The following SGO1 variants were observed in gnomAD, a reference collection of about 807,000 sequenced individuals.
SGO1 encodes the protein shugoshin 1.
SGO1 carries 39 observed loss-of-function variants against 50.5 expected under a neutral mutation model. The ratio of observed to expected loss-of-function variants is 0.77; its 90% CI spans 0.60 to 1.01. The LOEUF (loss-of-function observed/expected upper bound fraction) is 1.01. Ranked by LOEUF, SGO1 falls within the 50% of genes least tolerant of loss-of-function variation. The pLI is 0.00. For synonymous variants in SGO1, 191 were observed against 205.1 expected, an observed-to-expected ratio of 0.93 and a Z score of 0.59; for missense variants, 638 against 606.0, an observed-to-expected ratio of 1.05 and a Z score of -0.55.
chr3:20,173,925 CTTCAGT>C (rs1451647575), intron 6 of SGO1, among the ~76,000 whole-genome samples: 1 of 152,132 alleles, frequency 6.6e-6, no homozygotes, highest in Non-Finnish European at 1.5e-5. Context: ...CAAGGGGATA[CTTCAGT>C]TAAGTGTATA....
downstream of SGO1, among the ~76,000 whole-genome samples, chr3:20,164,621 C>A (rs1700201029): frequency 6.6e-6 from 1 of 151,856 alleles, no homozygotes; most frequent in African/African-American, 2.4e-5. Context: ...AATAGAAAGA[C>A]AGAAGTAAAT....
chr3:20,168,814 T>C (rs2125248517), downstream of SGO1: 2 of 353,514 alleles, frequency 5.7e-6, no homozygotes, highest in South Asian at 2.3e-4. Context: ...CTATTTTTAG[T>C]AGAGACGGGG....
Position 20,174,481 on chromosome 3 carries a change from T to C in SGO1, c.1050A>G (p.Gln350=), listed in dbSNP as rs1233859434. The change falls in exon 6 of 8, where the codon CAA becomes CAG. Residue 350 remains glutamine, a synonymous_variant. Coordinates refer to ENST00000412997, the MANE Select transcript of SGO1 (RefSeq NM_001199251.3). ...CTCTATTAGAGTCATTGCTCACTTT[T>C]TGTCGGAAAGGAGTAAGATGAACAC... is the stretch of plus-strand genomic sequence containing the variant. The part of the protein sequence containing the change: ...EEGVHLTPFR[Q]KVSNDSNREE... 6.2e-7 allele frequency: 1 copy of C among 1,614,164 alleles called. No individual in the cohort carries two copies.
chr3:20,165,903 A>G (rs1700274951), downstream of SGO1, among the ~76,000 whole-genome samples: 1 of 151,976 alleles, frequency 6.6e-6, no homozygotes, highest in African/African-American at 2.4e-5. Flanking sequence ...AATACAAAAA[A>G]TAGCTGGGCA....
At chr3:20,165,208 C>T (rs550488503), downstream of SGO1, among the ~76,000 whole-genome samples, 2 of 152,262 alleles carry the variant, frequency 1.3e-5, no homozygotes, top group African/African-American at 4.8e-5. Flanking sequence ...AGAAAGGAAG[C>T]AAGAGAGAAG....
rs763866105 is a variant in SGO1 at position 20,174,252 on chromosome 3, T to C, written c.1279A>G (p.Thr427Ala). 3 of 1,610,634 alleles carry C rather than the reference T, an allele frequency of 1.9e-6. No homozygotes were observed. The highest frequency in any genetic ancestry group is 2.5e-6 in the Non-Finnish European group (3 of 1,177,306). ...TEGSKPTKTP[T>A]TTPPETQQSP... ...GGTAAACAAGTAGATCACTTACTGG[T>C]AGGAGTTTTTGTTGGCTTAGAACCC... The change falls in exon 6 of 8, where the codon ACC becomes GCC. Residue 427 changes from threonine to alanine, a missense_variant. Transcript: ENST00000412997.
chr3:20,176,768 C>T (rs1423694577), intron 4 of SGO1, 109 bp from the exon 5 acceptor site: 3 of 699,778 alleles, frequency 4.3e-6, no homozygotes, highest in South Asian at 4.3e-5. Flanking sequence ...TTTCATAATT[C>T]GATTTCAAAT....
chr3:20,171,635 T>A (rs914560630), intron 6 of SGO1, among the ~76,000 whole-genome samples: 3 of 152,240 alleles, frequency 2.0e-5, no homozygotes, highest in Admixed American at 6.5e-5. Context: ...TTGGGCATAA[T>A]AACTTTGTTT....
intron 1 of SGO1, among the ~76,000 whole-genome samples, chr3:20,185,579 G>C (rs531934909): frequency 1.1e-4 from 16 of 152,294 alleles, no homozygotes; most frequent in African/African-American, 3.8e-4. Flanking sequence ...AAGACAGCCA[G>C]GTAGGATACT....
intron 3 of SGO1, 39 bp from the exon 4 acceptor site, chr3:20,178,386 G>T: frequency 7.2e-7 from 1 of 1,392,722 alleles, no homozygotes; most frequent in Non-Finnish European, 1.0e-6. Context: ...TATAACTGAA[G>T]TATTCACAAG....
chr3:20,176,975 T>C (rs1443932506), intron 4 of SGO1, among the ~76,000 whole-genome samples: 1 of 152,234 alleles, frequency 6.6e-6, no homozygotes, highest in Non-Finnish European at 1.5e-5. Flanking sequence ...TAAATGTTTT[T>C]TAAAAAATGT....
intron 4 of SGO1, 129 bp from the exon 5 acceptor site, chr3:20,176,788 T>C: frequency 1.7e-6 from 1 of 584,842 alleles, no homozygotes; most frequent in Non-Finnish European, 2.9e-6. Flanking sequence ...TCAATACATC[T>C]ATTCTGTATC....
At chr3:20,163,278 G>A (rs931410259) in intron 8 of SGO1, among the ~76,000 whole-genome samples, 10 of 152,146 alleles carry the variant, frequency 6.6e-5, no homozygotes, top group East Asian at 1.9e-4. Context: ...GCCAGCACTC[G>A]TTTAATTTTA....
chr3:20,161,351 T>C, intron 8 of SGO1: 1 of 1,361,770 alleles, frequency 7.3e-7, no homozygotes, highest in Non-Finnish European at 9.6e-7. Flanking sequence ...AGAAAATATG[T>C]GAGCAAACAA....
intron 3 of SGO1, among the ~76,000 whole-genome samples, chr3:20,179,493 T>C (rs532067217): frequency 3.4e-5 from 5 of 149,248 alleles, no homozygotes; most frequent in African/African-American, 7.4e-5. Context: ...GGTGCTATCA[T>C]AGCTCACTGC....
chr3:20,172,642 GTAT>G (rs1700882289), intron 6 of SGO1, among the ~76,000 whole-genome samples: 1 of 151,432 alleles, frequency 6.6e-6, no homozygotes, highest in Non-Finnish European at 1.5e-5. Flanking sequence ...GTTTAAAAAC[GTAT>G]TTTTTATGTA....
At chr3:20,176,549 C>T in intron 5 of SGO1, 52 bp downstream of exon 5, 1 of 1,120,724 alleles carries the variant, frequency 8.9e-7, no homozygotes, top group East Asian at 2.5e-5. Context: ...TATTTGTTCT[C>T]AAAGACCTTA....
chr3:20,166,452 G>A (rs1559344909), downstream of SGO1, among the ~76,000 whole-genome samples: 1 of 152,024 alleles, frequency 6.6e-6, no homozygotes, highest in Non-Finnish European at 1.5e-5. Flanking sequence ...TGAACCTTGC[G>A]ATTATTATGC....
chr3:20,169,805 AT>A lies in SGO1; in HGVS notation c.*898del. On this transcript the variant is annotated 3_prime_UTR_variant, in exon 8 of 8. Transcript: ENST00000412997. ...TAAAAAAGAATCAATTTCTCTAGTC[AT>A]TTTCCCATACATATTTTATCTGAAA... The A allele has an allele frequency of 1.0e-6, 1 of 969,384 alleles. No individual in the cohort carries two copies. The highest frequency in any genetic ancestry group is 1.2e-6 in the Non-Finnish European group (1 of 815,298). 60.0% of individuals were successfully genotyped at this position (969,384 alleles called of 1,614,324 possible).
Sources: allele counts gnomAD v4.1 joint callset (sites outside exome capture counted in the v4.1 genomes callset), GRCh38; gene constraint gnomAD v4.1.1; transcripts MANE v1.5; gene names NCBI Gene and HGNC (gene_info 2026-07-23, HGNC 2026-07-21).